The following RIMBP2 variants were observed in gnomAD, a reference collection of about 807,000 sequenced individuals.
RIMBP2 encodes RIMS binding protein 2.
RIMBP2 carries 48 observed loss-of-function variants against 118.6 expected under a neutral mutation model. The ratio of observed to expected loss-of-function variants is 0.40; its 90% CI spans 0.32 to 0.51. RIMBP2 has a LOEUF of 0.51. RIMBP2 is among the 20% of genes least tolerant of loss of function. The pLI is 0.41. For synonymous variants in RIMBP2, 762 were observed against 742.9 expected (o/e 1.03, Z -0.42); for missense variants, 1,551 against 1,768.3 (o/e 0.88, Z 2.20).
chr12:130,418,178 A>T (rs1285603680), intron 17 of RIMBP2, among the ~76,000 whole-genome samples: 3 of 152,260 alleles, frequency 2.0e-5, no homozygotes, highest in Non-Finnish European at 4.4e-5. Flanking sequence ...TTTAAAATGC[A>T]ATGAATTGTT....
chr12:130,512,811 T>C (rs2051056975), intron 3 of RIMBP2, among the ~76,000 whole-genome samples: 2 of 152,212 alleles, frequency 1.3e-5, no homozygotes, highest in South Asian at 4.1e-4. Context: ...CGATTCTTCC[T>C]TTGTCCTGAT....
chr12:130,606,605 G>A (rs2060203473), intron 2 of RIMBP2, among the ~76,000 whole-genome samples: 1 of 152,150 alleles, frequency 6.6e-6, no homozygotes, highest in Non-Finnish European at 1.5e-5. Context: ...AAAACTCTTA[G>A]TGGCTTCCAT....
intron 1 of RIMBP2, among the ~76,000 whole-genome samples, chr12:130,645,682 A>G (rs931070267): frequency 7.9e-5 from 12 of 152,220 alleles, no homozygotes; most frequent in Admixed American, 3.3e-4. Context: ...GAGAAGGATG[A>G]GAAGAAACAA....
At chr12:130,400,333 A>G (rs1047174145) in intron 21 of RIMBP2, among the ~76,000 whole-genome samples, 2 of 152,244 alleles carry the variant, frequency 1.3e-5, no homozygotes, top group African/African-American at 2.4e-5. Context: ...TATCGTAAAC[A>G]TTCAAACAAT....
chr12:130,600,935 A>G (rs1257386425), intron 2 of RIMBP2, among the ~76,000 whole-genome samples: 4 of 152,140 alleles, frequency 2.6e-5, no homozygotes, highest in Admixed American at 6.5e-5. Flanking sequence ...CCCTGTATGC[A>G]TCACTACTTA....
intron 1 of RIMBP2, among the ~76,000 whole-genome samples, chr12:130,714,035 A>G (rs956922762): frequency 9.2e-5 from 14 of 152,110 alleles, no homozygotes; most frequent in Non-Finnish European, 2.1e-4. Flanking sequence ...TGAGATTTGT[A>G]GCCCCTTAAC....
At chr12:130,689,809 G>A (rs2065233400) in intron 1 of RIMBP2, among the ~76,000 whole-genome samples, 2 of 152,182 alleles carry the variant, frequency 1.3e-5, no homozygotes, top group Admixed American at 1.3e-4. Flanking sequence ...GATCACAGAT[G>A]GCGGCTTAAA....
chr12:130,582,583 T>C, intron 2 of RIMBP2, among the ~76,000 whole-genome samples: 1 of 152,138 alleles, frequency 6.6e-6, no homozygotes. Flanking sequence ...TGGTTGTGGG[T>C]TTCTTAAGCC....
intron 2 of RIMBP2, among the ~76,000 whole-genome samples, chr12:130,528,248 T>C (rs1199402873): frequency 6.6e-6 from 1 of 152,174 alleles, no homozygotes; most frequent in Non-Finnish European, 1.5e-5. Context: ...GTATACACCA[T>C]GGAATACTAT....
In RIMBP2 at chr12:130,405,213, A is replaced by AC. The variant is rs2075046036; in HGVS notation, c.3765+958_3765+959insG. 5.4e-5 allele frequency among the ~76,000 whole-genome samples: 8 copies of AC among 148,482 alleles called. No homozygotes were observed. In the South Asian group the frequency reaches 6.2e-4, roughly 12 times the overall value. ...AATGGAGAAGCAAACACACACACAC[A>AC]AAGTTAAAAAGCAGAGGTTGAGCTG... On this transcript the variant is annotated intron_variant, in intron 21 of 22. Transcript: ENST00000690449.
At chr12:130,614,060 T>C (rs2060743768) in intron 2 of RIMBP2, among the ~76,000 whole-genome samples, 1 of 152,214 alleles carries the variant, frequency 6.6e-6, no homozygotes, top group African/African-American at 2.4e-5. Context: ...CAGGTTCTAT[T>C]GTTACTTGCA....
At chr12:130,455,406 T>G (rs994126690) in intron 7 of RIMBP2, among the ~76,000 whole-genome samples, 4 of 152,248 alleles carry the variant, frequency 2.6e-5, no homozygotes, top group Non-Finnish European at 4.4e-5. Flanking sequence ...GTGCCCTGTC[T>G]GTCTCTCAGC....
At chr12:130,529,265 G>A (rs1407269890) in intron 2 of RIMBP2, among the ~76,000 whole-genome samples, 1 of 152,088 alleles carries the variant, frequency 6.6e-6, no homozygotes, top group Non-Finnish European at 1.5e-5. Flanking sequence ...ATGACATGCT[G>A]ATTCACGCTA....
At chr12:130,462,760 C>A (rs764617036) in intron 6 of RIMBP2, among the ~76,000 whole-genome samples, 1 of 152,226 alleles carries the variant, frequency 6.6e-6, no homozygotes, top group Non-Finnish European at 1.5e-5. Flanking sequence ...AGCGCTGGCA[C>A]CACGTGGAGC....
At chr12:130,544,636 A>G (rs1398805100) in intron 2 of RIMBP2, among the ~76,000 whole-genome samples, 2 of 111,990 alleles carry the variant, frequency 1.8e-5, no homozygotes. Flanking sequence ...GTCTCACTCC[A>G]TTGCTCAGGC....
chr12:130,436,894 A>G lies in RIMBP2; in HGVS notation c.2054T>C (p.Val685Ala). 1.9e-6 allele frequency: 3 copies of G among 1,588,096 alleles called. No individual in the cohort carries two copies. Among genetic ancestry groups the G allele is most frequent in the Non-Finnish European group, 2.6e-6 (3 of 1,168,726 alleles). The stretch of plus-strand genomic sequence containing the variant: ...GGCCTCCCGGGCCATGGCCTTGGCG[A>G]CGGTGGTGGACACCGGGGTGCCCTG... ...QPQGTPVSTT[V>A]AKAMAREAAQ... The change falls in exon 13 of 23, where the codon GTC (valine) becomes GCC (alanine). Residue 685 changes from valine to alanine, a missense_variant. Val to Ala is a moderately conservative substitution (Grantham distance 64). Around this residue, in one of 5 missense-constraint regions of RIMBP2, gnomAD observed 1,038 missense variants for 1,125.1 expected, o/e 0.92. Transcript: ENST00000690449.
chr12:130,592,295 G>A (rs1244859517), intron 2 of RIMBP2, among the ~76,000 whole-genome samples: 2 of 152,202 alleles, frequency 1.3e-5, no homozygotes, highest in African/African-American at 2.4e-5. Flanking sequence ...AAGTCCCAGT[G>A]CCAGGGAGGC....
intron 2 of RIMBP2, among the ~76,000 whole-genome samples, chr12:130,612,158 G>A (rs1263129995): frequency 1.3e-5 from 2 of 151,934 alleles, no homozygotes; most frequent in Non-Finnish European, 2.9e-5. Context: ...CCAGAGAGGT[G>A]ACCTCCAAGG....
intron 2 of RIMBP2, among the ~76,000 whole-genome samples, chr12:130,544,108 G>T (rs1002088908): frequency 1.3e-5 from 2 of 152,116 alleles, no homozygotes; most frequent in Non-Finnish European, 1.5e-5. Context: ...GGGCAGTTTG[G>T]CCTTTCCCCT....
Sources: gnomAD v4.1 joint callset for allele counts (sites outside exome capture counted in the v4.1 genomes callset) on GRCh38, gnomAD v4.1.1 for gene constraint, gnomAD v4.1.1 regional missense constraint, MANE v1.5 for transcripts, NCBI Gene and HGNC (gene_info 2026-07-23, HGNC 2026-07-21) for gene names.